Variants in TFCP2 observed in about 807,000 individuals in gnomAD.
TFCP2 encodes the protein transcription factor CP2, also known as alpha-globin transcription factor CP2.
TFCP2 carries 33 observed loss-of-function variants against 73.4 expected under a neutral mutation model. That is an observed-to-expected ratio of 0.45 (90% CI 0.34 to 0.60). TFCP2 has a LOEUF of 0.60. Ranked by LOEUF, TFCP2 falls within the 20% of genes least tolerant of loss-of-function variation. The pLI is 0.01. For missense variants in TFCP2, 352 were observed against 604.0 expected (o/e 0.58, Z 4.37); for synonymous variants, 193 against 211.6 (o/e 0.91, Z 0.76).
intron 1 of TFCP2, among the ~76,000 whole-genome samples, chr12:51,119,708 C>T (rs1940612418): frequency 6.6e-6 from 1 of 151,342 alleles, no homozygotes. Flanking sequence ...CGAGATGGTG[C>T]CACTGCACTC....
In TFCP2 at chr12:51,137,003, G is replaced by T. The variant is rs144073223; in HGVS notation, c.123-18231C>A. Among the ~76,000 whole-genome samples the T allele has an allele frequency of 4.4e-3, 675 of 152,204 alleles. 2 individuals are homozygous for T. The highest frequency in any genetic ancestry group is 0.034 in the Middle Eastern group (10 of 294). On this transcript the variant is annotated intron_variant, in intron 1 of 14. Transcript: ENST00000257915. ...TCTGGATTTTATGCTGTCCCTGAGA[G>T]AGATACCTGTCATTTGATAGTCTTT...
At chr12:51,143,456 G>C (rs1941230063) in intron 1 of TFCP2, among the ~76,000 whole-genome samples, 1 of 150,816 alleles carries the variant, frequency 6.6e-6, no homozygotes, top group Non-Finnish European at 1.5e-5. Flanking sequence ...AATATATCTT[G>C]AGTTCATGTT....
At chr12:51,159,713 C>G (rs1257769142) in intron 1 of TFCP2, among the ~76,000 whole-genome samples, 1 of 151,920 alleles carries the variant, frequency 6.6e-6, no homozygotes, top group African/African-American at 2.4e-5. Context: ...GCCTCAAACT[C>G]CCAGGCTCAA....
rs1200776904 is a variant in TFCP2, at chr12:51,172,554, C to T, written c.-132G>A. 2 of 1,242,692 alleles carry T rather than the reference C, an allele frequency of 1.6e-6. No individual in the cohort carries two copies. Among genetic ancestry groups the T allele is most frequent in the Non-Finnish European group, 2.2e-6 (2 of 891,184 alleles). The allele number at this position is 1,242,692 out of a possible 1,614,324, so 77.0% of individuals were successfully genotyped here. On this transcript the variant is annotated 5_prime_UTR_variant, in exon 1 of 15. Coordinates refer to ENST00000257915, the MANE Select transcript of TFCP2 (RefSeq NM_005653.5). The stretch of plus-strand genomic sequence containing the variant: ...TTCCCACGCAGTGCCCACCAGCCAC[C>T]CCCAAGCCCGACCAGCACTGCTCTG...
At chr12:51,126,990 A>G (rs1382761611) in intron 1 of TFCP2, among the ~76,000 whole-genome samples, 1 of 152,238 alleles carries the variant, frequency 6.6e-6, no homozygotes, top group African/African-American at 2.4e-5. Context: ...GTGATGATAC[A>G]AGATTTCTGC....
At chr12:51,124,423 CTTTTT>C (rs746371798) in intron 1 of TFCP2, among the ~76,000 whole-genome samples, 19 of 148,762 alleles carry the variant, frequency 1.3e-4, no homozygotes, top group South Asian at 6.4e-4. Flanking sequence ...TCTTCTTCTT[CTTTTT>C]TTTTTAAGAG....
chr12:51,144,658 T>C (rs1941255850), intron 1 of TFCP2, among the ~76,000 whole-genome samples: 1 of 152,112 alleles, frequency 6.6e-6, no homozygotes, highest in Admixed American at 6.6e-5. Context: ...CAACACCCAA[T>C]ACAAAATCAA....
At chr12:51,171,501 C>T (rs192237089) in intron 1 of TFCP2, among the ~76,000 whole-genome samples, 2 of 152,322 alleles carry the variant, frequency 1.3e-5, no homozygotes, top group African/African-American at 4.8e-5. Context: ...CCTCAGCCTC[C>T]CGAGTGGCTG....
chr12:51,154,059 C>A (rs1941486641), intron 1 of TFCP2, among the ~76,000 whole-genome samples: 1 of 152,054 alleles, frequency 6.6e-6, no homozygotes, highest in African/African-American at 2.4e-5. Flanking sequence ...TTTTTACTAG[C>A]AGCCATCCTA....
Position 51,152,357 on chromosome 12 carries a change from A to ATTAAAGGAGATGTTCCAGATTAAAGGAG in TFCP2, c.122+19943_122+19944insCTCCTTTAATCTGGAACATCTCCTTTAA, listed in dbSNP as rs752020499. ...GTGTCATAAAAATACAAGGAACAAGAACTGTTCCAGATTAAAGGAGATGAA... is the reference window on the plus strand; with the variant it reads ...GTGTCATAAAAATACAAGGAACAAGATTAAAGGAGATGTTCCAGATTAAAGGAGACTGTTCCAGATTAAAGGAGATGAA... On this transcript the variant is annotated intron_variant, in intron 1 of 14. Coordinates refer to ENST00000257915, the MANE Select transcript of TFCP2 (RefSeq NM_005653.5). Among the ~76,000 whole-genome samples the ATTAAAGGAGATGTTCCAGATTAAAGGAG allele has an allele frequency of 5.9e-5, 9 of 152,196 alleles. No homozygotes were observed. In the East Asian group the frequency reaches 1.7e-3, roughly 29 times the overall value.
At chr12:51,127,739 T>G (rs1940845270) in intron 1 of TFCP2, among the ~76,000 whole-genome samples, 1 of 152,182 alleles carries the variant, frequency 6.6e-6, no homozygotes, top group African/African-American at 2.4e-5. Context: ...ATAAGGAGAC[T>G]GTCAAAGGGT....
chr12:51,161,418 C>G (rs535176056), intron 1 of TFCP2, among the ~76,000 whole-genome samples: 1 of 151,858 alleles, frequency 6.6e-6, no homozygotes, highest in Non-Finnish European at 1.5e-5. Flanking sequence ...CAGTGGCTCA[C>G]GCCTGCAATC....
intron 1 of TFCP2, among the ~76,000 whole-genome samples, chr12:51,134,898 C>G (rs1941027560): frequency 6.6e-6 from 1 of 152,156 alleles, no homozygotes; most frequent in African/African-American, 2.4e-5. Flanking sequence ...CACTTGAGCC[C>G]TGGGGTTCAA....
intron 4 of TFCP2, among the ~76,000 whole-genome samples, chr12:51,113,735 T>C (rs767224742): frequency 3.3e-5 from 5 of 152,170 alleles, no homozygotes; most frequent in Non-Finnish European, 4.4e-5. Flanking sequence ...ATAGACAGCC[T>C]ACAAATAAGT....
At chr12:51,153,821 G>A (rs1001775144) in intron 1 of TFCP2, among the ~76,000 whole-genome samples, 3 of 152,138 alleles carry the variant, frequency 2.0e-5, no homozygotes, top group African/African-American at 7.2e-5. Flanking sequence ...TGGCTGTTGT[G>A]AATAATGTTG....
Position 51,102,036 on chromosome 12 carries a change from T to A in TFCP2, c.1061-11A>T. The A allele has an allele frequency of 6.4e-7, 1 of 1,567,338 alleles. No homozygotes were observed. The highest frequency in any genetic ancestry group is 1.4e-5 in the African/African-American group (1 of 74,062). ...TCAATAAATCTGCCCCTGGAATAAA[T>A]ATAAGAAAATGGATGATAAAGGCAA... On this transcript the variant is annotated splice_polypyrimidine_tract_variant and intron_variant, in intron 10 of 14. Coordinates refer to ENST00000257915, the MANE Select transcript of TFCP2 (RefSeq NM_005653.5).
intron 1 of TFCP2, among the ~76,000 whole-genome samples, chr12:51,157,686 C>CTTTT (rs538061913): frequency 2.1e-4 from 20 of 96,092 alleles, no homozygotes; most frequent in African/African-American, 4.7e-4. Flanking sequence ...CTTTTCTTTT[C>CTTTT]TTTTTTTTTT....
At chr12:51,118,000 T>G (rs1460953763) in intron 2 of TFCP2, among the ~76,000 whole-genome samples, 1 of 152,176 alleles carries the variant, frequency 6.6e-6, no homozygotes, top group Non-Finnish European at 1.5e-5. Context: ...TTAAAAGAGT[T>G]TTAGCAACTT....
rs11503923 is a variant in TFCP2 at position 51,107,994 on chromosome 12, A to C, written c.718-648T>G. On this transcript the variant is annotated intron_variant, in intron 6 of 14. Transcript: ENST00000257915. ...GTGTGTGTATAAAAGCATAGGAAGG[A>C]ACTAGAAGAGCTGGGCGCAGTGGCT... is the stretch of plus-strand genomic sequence containing the variant. Among the ~76,000 whole-genome samples, 1,408 of 151,444 alleles carry C rather than the reference A, an allele frequency of 9.3e-3. 19 individuals carry two copies. Among genetic ancestry groups the C allele is most frequent in the African/African-American group, 0.032 (1,305 of 41,340 alleles).
Sources: allele counts gnomAD v4.1 joint callset (sites outside exome capture counted in the v4.1 genomes callset), GRCh38; gene constraint gnomAD v4.1.1; transcripts MANE v1.5; gene names NCBI Gene and HGNC (gene_info 2026-07-23, HGNC 2026-07-21).